Variants in PXDNL observed in about 807,000 individuals in gnomAD.
The protein encoded by PXDNL is peroxidasin like.
In PXDNL, 145 loss-of-function variants were observed where a neutral mutation model predicts 150.8. The ratio of observed to expected loss-of-function variants is 0.96; its 90% confidence interval spans 0.84 to 1.10. PXDNL has a LOEUF of 1.10. Among genes scored for constraint, PXDNL ranks in the 50% least tolerant of loss-of-function variants. The pLI is 0.00. For synonymous variants in PXDNL, 757 were observed against 725.7 expected (o/e 1.04, Z -0.69); for missense variants, 2,087 against 1,873.9 (o/e 1.11, Z -2.10).
Position 51,320,006 on chromosome 8 carries a change from C to T in PXDNL, c.4277G>A (p.Cys1426Tyr), listed in dbSNP as rs1805269591. Reference sequence around the variant, plus strand: ...AGCCGGGGGACAAATCTCCACCACACAGGTGACCTGGCCACTCTGAAAGGC... The same window carrying T: ...AGCCGGGGGACAAATCTCCACCACATAGGTGACCTGGCCACTCTGAAAGGC... ...HCICESGQVTCVVEICPPAPC... is the reference protein window; with the variant it reads ...HCICESGQVTYVVEICPPAPC... The change falls in exon 23 of 23, where the codon TGT becomes TAT. Residue 1426 changes from cysteine (C) to tyrosine (Y), a missense_variant. Coordinates refer to ENST00000356297, the MANE Select transcript of PXDNL (RefSeq NM_144651.5). 7.8e-6 allele frequency: 12 copies of T among 1,545,864 alleles called. No homozygotes were observed. In the East Asian group the frequency reaches 1.4e-4, roughly 18 times the overall value.
chr8:51,415,239 T>A (rs2129658688), intron 14 of PXDNL, among the ~76,000 whole-genome samples: 1 of 152,096 alleles, frequency 6.6e-6, no homozygotes, highest in East Asian at 1.9e-4. Context: ...TGTACAACAG[T>A]GGAAGTATGG....
intron 3 of PXDNL, among the ~76,000 whole-genome samples, chr8:51,584,837 A>G (rs1813289453): frequency 6.6e-6 from 1 of 152,182 alleles, no homozygotes; most frequent in Non-Finnish European, 1.5e-5. Context: ...TGGGCTAATC[A>G]AGTCTTTTTT....
chr8:51,422,858 C>T (rs1316573452), intron 14 of PXDNL, among the ~76,000 whole-genome samples: 1 of 152,202 alleles, frequency 6.6e-6, no homozygotes, highest in Admixed American at 6.5e-5. Context: ...GCAATCTTAA[C>T]AGCCTGTGTC....
At position 51,350,354 on chromosome 8, in the gene PXDNL, C is replaced by CTTTTTTTTT. The variant is rs1163628780; in HGVS notation, c.3902-4416_3902-4408dup. On this transcript the variant is annotated intron_variant, in intron 19 of 22. Transcript: ENST00000356297. ...AGTCTTTTATTAGCAAATGCAGCTT[C>CTTTTTTTTT]TTTTTTTTTTTTTTTTTTTTTTGAG... Among the ~76,000 whole-genome samples the CTTTTTTTTT allele has an allele frequency of 3.1e-3, 245 of 77,882 alleles. 14 individuals carry two copies. The highest frequency in any genetic ancestry group is 0.012 in the African/African-American group (234 of 19,148). 51.1% of individuals were successfully genotyped at this position (77,882 alleles called of 152,430 possible). A position where few individuals can be genotyped will look rare whatever the true frequency, so the allele number is the denominator to read the frequency against.
At chr8:51,466,163 T>C (rs1246444642) in intron 8 of PXDNL, among the ~76,000 whole-genome samples, 1 of 152,108 alleles carries the variant, frequency 6.6e-6, no homozygotes, top group African/African-American at 2.4e-5. Flanking sequence ...TCTACAAGGC[T>C]ACACTAAACA....
chr8:51,404,975 G>A (rs1052692592), intron 17 of PXDNL, among the ~76,000 whole-genome samples: 1 of 152,194 alleles, frequency 6.6e-6, no homozygotes, highest in South Asian at 2.1e-4. Context: ...GCCCCGCAGG[G>A]AGGCAGCTGA....
chr8:51,390,664 T>C (rs1807865797), intron 17 of PXDNL, among the ~76,000 whole-genome samples: 1 of 152,152 alleles, frequency 6.6e-6, no homozygotes, highest in Non-Finnish European at 1.5e-5. Context: ...TGGATTCAGG[T>C]TCTCTGAGGA....
rs147467072 is a variant in PXDNL, at chr8:51,808,449, C to T, written c.164+732G>A. On this transcript the variant is annotated intron_variant, in intron 1 of 22. Transcript: ENST00000356297. ...TGTGGTGATTTGCCCTTCTAATTATCTAATTATGACTTAATTTAATCTAAA... is the reference window on the plus strand; with the variant it reads ...TGTGGTGATTTGCCCTTCTAATTATTTAATTATGACTTAATTTAATCTAAA... 8.5e-4 allele frequency among the ~76,000 whole-genome samples: 129 copies of T among 152,178 alleles called. 1 individual carries two copies. The East Asian group carries it at 0.02, about 23-fold the overall frequency.
chr8:51,568,253 C>G (rs1812865976), intron 3 of PXDNL, among the ~76,000 whole-genome samples: 1 of 151,786 alleles, frequency 6.6e-6, no homozygotes, highest in Non-Finnish European at 1.5e-5. Context: ...TACATCATTT[C>G]CCTTCTCTTT....
At chr8:51,757,249 T>A (rs1458697330) in intron 1 of PXDNL, among the ~76,000 whole-genome samples, 1 of 152,208 alleles carries the variant, frequency 6.6e-6, no homozygotes, top group African/African-American at 2.4e-5. Flanking sequence ...AGACTTGTTT[T>A]CCATCCAGTG....
At chr8:51,462,384 C>G (rs1002496536) in intron 8 of PXDNL, among the ~76,000 whole-genome samples, 1 of 152,058 alleles carries the variant, frequency 6.6e-6, no homozygotes, top group Non-Finnish European at 1.5e-5. Flanking sequence ...AAAGTTGAAA[C>G]CTAATCCAAG....
At chr8:51,505,349 G>A (rs920931884) in intron 4 of PXDNL, among the ~76,000 whole-genome samples, 6 of 141,648 alleles carry the variant, frequency 4.2e-5, no homozygotes, top group Non-Finnish European at 7.6e-5. Context: ...CGCTGGTATC[G>A]CTTTAGCTTT....
intron 1 of PXDNL, among the ~76,000 whole-genome samples, chr8:51,785,217 A>AT (rs2037449725): frequency 6.6e-6 from 1 of 152,158 alleles, no homozygotes; most frequent in South Asian, 2.1e-4. Context: ...TTATTACCAA[A>AT]AATACAATGC....
intron 2 of PXDNL, among the ~76,000 whole-genome samples, chr8:51,645,570 T>C (rs1320948548): frequency 6.6e-6 from 1 of 152,076 alleles, no homozygotes; most frequent in East Asian, 1.9e-4. Flanking sequence ...AGCAGTGAGG[T>C]GGTGAACAGA....
Position 51,408,936 on chromosome 8 carries a change from G to A in PXDNL, c.2688C>T (p.Gly896=), listed in dbSNP as rs1255609685. 6.8e-6 allele frequency: 11 copies of A among 1,612,644 alleles called. No individual in the cohort carries two copies. Among genetic ancestry groups the A allele is most frequent in the Non-Finnish European group, 8.5e-6 (10 of 1,179,746 alleles). The stretch of plus-strand genomic sequence containing the variant: ...GCTCCGAGCTCCCGTAAACGTTGGA[G>A]CCATCGATGTAGGCTGTTTGCTGGT... ...QINQQTAYID[G]SNVYGSSERE... The change falls in exon 17 of 23, where the codon GGC becomes GGT. Residue 896 remains glycine (G), a synonymous_variant. Transcript: ENST00000356297.
intron 2 of PXDNL, among the ~76,000 whole-genome samples, chr8:51,616,119 C>A (rs1420509501): frequency 6.6e-6 from 1 of 152,148 alleles, no homozygotes; most frequent in East Asian, 1.9e-4. Flanking sequence ...TAGCCTGGGG[C>A]AATTAAGGAG....
chr8:51,588,170 A>G (rs761144544), intron 3 of PXDNL, among the ~76,000 whole-genome samples: 16 of 152,166 alleles, frequency 1.1e-4, no homozygotes, highest in Non-Finnish European at 2.4e-4. Flanking sequence ...CCATATTTGA[A>G]GAAATAAAAG....
At chr8:51,608,715 T>C (rs1196347682) in intron 2 of PXDNL, among the ~76,000 whole-genome samples, 13 of 150,404 alleles carry the variant, frequency 8.6e-5, no homozygotes, top group Admixed American at 3.3e-4. Context: ...TGGGTGCCTG[T>C]AGTCCCAGCT....
intron 2 of PXDNL, among the ~76,000 whole-genome samples, chr8:51,606,404 A>C (rs1813837909): frequency 6.6e-6 from 1 of 152,210 alleles, no homozygotes; most frequent in South Asian, 2.1e-4. Context: ...AATGCAGAAC[A>C]TAGGACACTT....
Sources: allele counts gnomAD v4.1 joint callset (sites outside exome capture counted in the v4.1 genomes callset), GRCh38; gene constraint gnomAD v4.1.1; transcripts MANE v1.5; gene names NCBI Gene and HGNC (gene_info 2026-07-23, HGNC 2026-07-21).